Variants in MARCHF1 observed in about 807,000 individuals in gnomAD.
MARCHF1 encodes E3 ubiquitin-protein ligase MARCHF1.
Under a neutral mutation model 54.2 loss-of-function variants are expected in MARCHF1, and 40 were observed. The observed-to-expected ratio is 0.74, with a 90% confidence interval of 0.57 to 0.96. The LOEUF is 0.96. Ranked by LOEUF, MARCHF1 falls within the 40% of genes least tolerant of loss-of-function variation. The pLI, the probability that MARCHF1 is intolerant of heterozygous loss-of-function variation, is 0.00. For missense variants in MARCHF1, 586 were observed against 656.5 expected, an observed-to-expected ratio of 0.89 and a Z score of 1.17; for synonymous variants, 236 against 236.3, an observed-to-expected ratio of 1.00 and a Z score of 0.01.
chr4:163,765,242 T>C (rs923324575), intron 4 of MARCHF1, among the ~76,000 whole-genome samples: 1 of 152,114 alleles, frequency 6.6e-6, no homozygotes, highest in South Asian at 2.1e-4. Flanking sequence ...AACTTAAAAG[T>C]GTGAAGCCCT....
intron 1 of MARCHF1, among the ~76,000 whole-genome samples, chr4:164,127,652 G>T (rs1007626627): frequency 6.6e-6 from 1 of 152,034 alleles, no homozygotes; most frequent in African/African-American, 2.4e-5. Flanking sequence ...ACTTATTATA[G>T]AAGTGATGAG....
At chr4:164,335,499 G>A (rs900812223) in intron 1 of MARCHF1, among the ~76,000 whole-genome samples, 3 of 151,732 alleles carry the variant, frequency 2.0e-5, no homozygotes, top group African/African-American at 7.3e-5. Flanking sequence ...GGAGAATGGC[G>A]TGAACCCGGG....
intron 1 of MARCHF1, among the ~76,000 whole-genome samples, chr4:164,117,820 A>C (rs1471262184): frequency 6.6e-6 from 1 of 151,914 alleles, no homozygotes; most frequent in Non-Finnish European, 1.5e-5. Flanking sequence ...GAATTACCTC[A>C]ACCTGGGAGG....
At chr4:164,162,537 C>T (rs1208860539) in intron 1 of MARCHF1, among the ~76,000 whole-genome samples, 1 of 152,118 alleles carries the variant, frequency 6.6e-6, no homozygotes, top group South Asian at 2.1e-4. Flanking sequence ...CTCACTGTCT[C>T]ATATTATTTG....
intron 8 of MARCHF1, among the ~76,000 whole-genome samples, chr4:163,565,433 C>A (rs773841485): frequency 6.6e-6 from 1 of 152,142 alleles, no homozygotes; most frequent in African/African-American, 2.4e-5. Flanking sequence ...GCCTTGACAA[C>A]GTGGGTTAGT....
intron 1 of MARCHF1, among the ~76,000 whole-genome samples, chr4:164,166,930 T>C (rs1730396082): frequency 6.6e-6 from 1 of 151,342 alleles, no homozygotes; most frequent in Admixed American, 6.6e-5. Context: ...TAGTCAAAAA[T>C]GTGAAAGATT....
chr4:163,662,299 A>G (rs1160614077), intron 5 of MARCHF1, among the ~76,000 whole-genome samples: 1 of 151,518 alleles, frequency 6.6e-6, no homozygotes, highest in Non-Finnish European at 1.5e-5. Context: ...TTTCTTATTC[A>G]TCTTATTTCA....
intron 2 of MARCHF1, among the ~76,000 whole-genome samples, chr4:164,037,663 G>A (rs903342739): frequency 2.0e-5 from 3 of 152,184 alleles, no homozygotes; most frequent in African/African-American, 7.2e-5. Flanking sequence ...TGTGCATGGT[G>A]ACTTCAATCC....
intron 5 of MARCHF1, among the ~76,000 whole-genome samples, chr4:163,699,357 A>T (rs1233762669): frequency 1.3e-5 from 2 of 152,202 alleles, no homozygotes; most frequent in African/African-American, 4.8e-5. Context: ...GCTTACTCTT[A>T]TTAAAATATT....
intron 2 of MARCHF1, among the ~76,000 whole-genome samples, chr4:164,062,651 G>A (rs903608199): frequency 6.6e-6 from 1 of 151,698 alleles, no homozygotes; most frequent in Non-Finnish European, 1.5e-5. Context: ...CAGCCTCCTG[G>A]GTAGCTGGAA....
At position 163,793,829 on chromosome 4, in the gene MARCHF1, G is replaced by A. The variant is rs1031775971; in HGVS notation, c.111+60192C>T. ...ACCCCCTGCTTGCTCAGTCGATCAC[G>A]ACCCTCTCATGCAGACCCCCTTAGA... On this transcript the variant is annotated intron_variant, in intron 4 of 9. Coordinates refer to ENST00000514618, the MANE Select transcript of MARCHF1 (RefSeq NM_001394959.1). Among the ~76,000 whole-genome samples the A allele has an allele frequency of 3.9e-5, 6 of 152,188 alleles. No individual in the cohort carries two copies. The South Asian group carries it at 6.2e-4, about 16-fold the overall frequency.
At chr4:164,117,711 C>T (rs1755967171) in intron 1 of MARCHF1, among the ~76,000 whole-genome samples, 1 of 151,888 alleles carries the variant, frequency 6.6e-6, no homozygotes, top group Admixed American at 6.6e-5. Context: ...ACTAGCCTGG[C>T]CAATGTGGAG....
chr4:163,738,501 T>C (rs558247082), intron 4 of MARCHF1, among the ~76,000 whole-genome samples: 8 of 152,344 alleles, frequency 5.3e-5, no homozygotes, highest in Admixed American at 2.0e-4. Flanking sequence ...TTTTACGTAG[T>C]AAAACTTCTA....
chr4:163,923,427 G>A (rs1430850191), intron 3 of MARCHF1, among the ~76,000 whole-genome samples: 6 of 151,762 alleles, frequency 4.0e-5, no homozygotes, highest in Non-Finnish European at 5.9e-5. Context: ...AATAAACTTC[G>A]TTTTCTGTAA....
chr4:163,534,116 G>A (rs1466818993), intron 9 of MARCHF1, among the ~76,000 whole-genome samples: 2 of 151,956 alleles, frequency 1.3e-5, no homozygotes, highest in Non-Finnish European at 2.9e-5. Flanking sequence ...TTAGAGTGCC[G>A]CGCTCTTTAC....
intron 2 of MARCHF1, among the ~76,000 whole-genome samples, chr4:163,992,330 T>C (rs1331041650): frequency 1.3e-5 from 2 of 152,094 alleles, no homozygotes; most frequent in Admixed American, 1.3e-4. Flanking sequence ...GTTGTATCAT[T>C]AGGGAAATAA....
intron 3 of MARCHF1, among the ~76,000 whole-genome samples, chr4:163,923,014 T>A (rs1043494885): frequency 3.3e-5 from 5 of 152,134 alleles, no homozygotes; most frequent in African/African-American, 4.8e-5. Context: ...GTTCTCTAAA[T>A]GAACAAATGT....
chr4:164,245,230 T>C, intron 1 of MARCHF1, among the ~76,000 whole-genome samples: 1 of 152,160 alleles, frequency 6.6e-6, no homozygotes, highest in East Asian at 1.9e-4. Context: ...GCAAAATGAA[T>C]CCAGCAGCAC....
chr4:163,750,632 T>C (rs897985827), intron 4 of MARCHF1, among the ~76,000 whole-genome samples: 11 of 152,132 alleles, frequency 7.2e-5, no homozygotes, highest in African/African-American at 2.4e-4. Context: ...GGCAAATAAT[T>C]TCAAGCACAC....
Sources: gnomAD v4.1 joint callset for allele counts (sites outside exome capture counted in the v4.1 genomes callset) on GRCh38, gnomAD v4.1.1 for gene constraint, MANE v1.5 for transcripts, NCBI Gene and HGNC (gene_info 2026-07-23, HGNC 2026-07-21) for gene names.